Variants in CDKN2B-AS1 observed in about 807,000 individuals in gnomAD.
The protein encoded by CDKN2B-AS1 is CDKN2B and CDKN2A antisense cis and trans regulatory RNA 1.
intron 4 of CDKN2B-AS1, among the ~76,000 whole-genome samples, chr9:22,089,619 T>TC (rs1417120913): frequency 1.3e-5 from 2 of 151,898 alleles, no homozygotes; most frequent in African/African-American, 4.8e-5. Flanking sequence ...TCTTTTTTTT[T>TC]CCCCTTATTT....
intron 4 of CDKN2B-AS1, among the ~76,000 whole-genome samples, chr9:22,083,453 G>A (rs1824767063): frequency 6.6e-6 from 1 of 152,156 alleles, no homozygotes; most frequent in Admixed American, 6.5e-5. Context: ...ATGGTAAGAA[G>A]GTATACTACA....
intron 1 of CDKN2B-AS1, chr9:22,012,218 A>C: frequency 7.1e-7 from 1 of 1,409,206 alleles, no homozygotes; most frequent in Non-Finnish European, 1.0e-6. Flanking sequence ...GCCCAGTGAC[A>C]CCATTGAGAA....
chr9:22,048,662 C>T (rs546050306), intron 2 of CDKN2B-AS1, among the ~76,000 whole-genome samples: 2 of 152,138 alleles, frequency 1.3e-5, no homozygotes, highest in South Asian at 2.1e-4. Context: ...CAATCCATAT[C>T]GGGGAAAAGT....
At chr9:22,020,344 G>A (rs2131221195) in intron 1 of CDKN2B-AS1, among the ~76,000 whole-genome samples, 1 of 152,270 alleles carries the variant, frequency 6.6e-6, no homozygotes, top group East Asian at 1.9e-4. Flanking sequence ...ACATACACAT[G>A]CAAGTGTCTT....
intron 4 of CDKN2B-AS1, among the ~76,000 whole-genome samples, chr9:22,111,263 G>A (rs1319377096): frequency 6.6e-6 from 1 of 152,160 alleles, no homozygotes; most frequent in Non-Finnish European, 1.5e-5. Flanking sequence ...GTCAGAGTGA[G>A]TTGGTGGTGA....
At chr9:22,012,116 CT>C in intron 1 of CDKN2B-AS1, 2 of 899,060 alleles carry the variant, frequency 2.2e-6, no homozygotes, top group East Asian at 2.5e-5. Context: ...CTGCCATCCT[CT>C]TTTTCTTCAG....
At chr9:22,090,908 A>G (rs963424688) in intron 4 of CDKN2B-AS1, among the ~76,000 whole-genome samples, 10 of 152,120 alleles carry the variant, frequency 6.6e-5, no homozygotes, top group African/African-American at 2.2e-4. Context: ...GCCCATGCCT[A>G]TGTCCTGAAT....
chr9:22,072,335 T>C (rs2131317066), intron 4 of CDKN2B-AS1, among the ~76,000 whole-genome samples: 1 of 152,360 alleles, frequency 6.6e-6, no homozygotes, highest in Admixed American at 6.5e-5. Flanking sequence ...AAAGACCAGA[T>C]CTGGCCTATT....
At chr9:22,055,332 AC>A (rs1823516043) in intron 3 of CDKN2B-AS1, among the ~76,000 whole-genome samples, 2 of 152,302 alleles carry the variant, frequency 1.3e-5, no homozygotes, top group South Asian at 4.1e-4. Context: ...TGACTTTTAA[AC>A]CAAGGCTTGG....
intron 1 of CDKN2B-AS1, chr9:22,031,024 T>C (rs867503865): frequency 2.6e-5 from 4 of 152,328 alleles, no homozygotes; most frequent in South Asian, 2.1e-4. Context: ...GGAACGTTAA[T>C]TAATAAACAG....
At chr9:22,119,234 A>G (rs1043272566) in intron 4 of CDKN2B-AS1, 31 of 152,250 alleles carry the variant, frequency 2.0e-4, no homozygotes, top group Middle Eastern at 3.4e-3. Flanking sequence ...TGACATGAAG[A>G]TAACACAGAT....
chr9:22,080,340 G>C (rs1824651391), intron 4 of CDKN2B-AS1, among the ~76,000 whole-genome samples: 1 of 152,284 alleles, frequency 6.6e-6, no homozygotes, highest in South Asian at 2.1e-4. Context: ...GAGTAACAAG[G>C]GTCCTTTGAT....
intron 4 of CDKN2B-AS1, among the ~76,000 whole-genome samples, chr9:22,057,420 T>C (rs1449632256): frequency 1.3e-5 from 2 of 152,216 alleles, no homozygotes; most frequent in African/African-American, 2.4e-5. Context: ...AATTAAATAT[T>C]TTAAGCCAAA....
intron 4 of CDKN2B-AS1, among the ~76,000 whole-genome samples, chr9:22,080,014 C>G (rs1423045678): frequency 6.6e-6 from 1 of 152,246 alleles, no homozygotes; most frequent in African/African-American, 2.4e-5. Flanking sequence ...GGAGGCCAGA[C>G]AGGAGGTGAG....
chr9:22,059,927 G>T (rs1823743336), intron 4 of CDKN2B-AS1, among the ~76,000 whole-genome samples: 1 of 152,218 alleles, frequency 6.6e-6, no homozygotes, highest in Admixed American at 6.5e-5. Flanking sequence ...TTCAGCCACA[G>T]CTGGAGCAGC....
intron 1 of CDKN2B-AS1, among the ~76,000 whole-genome samples, chr9:22,037,050 G>C (rs1041241427): frequency 6.6e-6 from 1 of 151,856 alleles, no homozygotes; most frequent in Non-Finnish European, 1.5e-5. Flanking sequence ...GTCTGGTTTC[G>C]TCACTACGCT....
chr9:22,082,589 C>G (rs1003458670), intron 4 of CDKN2B-AS1, among the ~76,000 whole-genome samples: 2 of 152,140 alleles, frequency 1.3e-5, no homozygotes, highest in East Asian at 3.8e-4. Flanking sequence ...TAATTCGTAG[C>G]CAGTACTTTA....
chr9:22,025,650 C>T (rs1470242701), intron 1 of CDKN2B-AS1, among the ~76,000 whole-genome samples: 1 of 152,184 alleles, frequency 6.6e-6, no homozygotes, highest in African/African-American at 2.4e-5. Context: ...CTGGAGGTGT[C>T]ACCAGTGAAA....
intron 4 of CDKN2B-AS1, among the ~76,000 whole-genome samples, chr9:22,121,778 T>C (rs537187568): frequency 2.5e-4 from 38 of 152,306 alleles, no homozygotes; most frequent in African/African-American, 9.1e-4. Flanking sequence ...TACCATATTT[T>C]CTTTGTCCAT....
Sources: allele counts gnomAD v4.1 joint callset (sites outside exome capture counted in the v4.1 genomes callset), GRCh38; gene constraint gnomAD v4.1.1; transcripts MANE v1.5; gene names NCBI Gene and HGNC (gene_info 2026-07-23, HGNC 2026-07-21).